The following DOP1B variants were observed in gnomAD, a reference collection of about 807,000 sequenced individuals.
The protein encoded by DOP1B is DOP1 leucine zipper like protein B.
In DOP1B, 174 loss-of-function variants were observed where a neutral mutation model predicts 233.5. That is an observed-to-expected ratio of 0.75 (90% CI 0.66 to 0.85). The LOEUF is 0.85. Among genes scored for constraint, DOP1B ranks in the 40% least tolerant of loss-of-function variants. The pLI is 0.00. For missense variants in DOP1B, 2,652 were observed against 2,846.6 expected (o/e 0.93, Z 1.56); for synonymous variants, 1,190 against 1,185.6 (o/e 1.00, Z -0.08).
chr21:36,176,103 T>TATGTGTGTGTGTGCGTGC (rs1029236168), intron 2 of DOP1B, among the ~76,000 whole-genome samples: 11 of 142,038 alleles, frequency 7.7e-5, no homozygotes, highest in Admixed American at 2.1e-4. Context: ...TGTGCGTGTG[T>TATGTGTGTGTGTGCGTGC]GTGTGTGTGT....
chr21:36,241,693 C>CTTTTTTTTTT (rs58454212), intron 18 of DOP1B, among the ~76,000 whole-genome samples: 21 of 105,552 alleles, frequency 2.0e-4, no homozygotes, highest in African/African-American at 4.4e-4. Flanking sequence ...TTCTTTCTTT[C>CTTTTTTTTTT]TTTTTTTTTT....
chr21:36,211,833 C>A, intron 6 of DOP1B, 141 bp from the exon 7 acceptor site: 1 of 1,367,316 alleles, frequency 7.3e-7, no homozygotes, highest in South Asian at 1.3e-5. Context: ...TATTGAATAG[C>A]TTCTTTCCAT....
intron 4 of DOP1B, among the ~76,000 whole-genome samples, chr21:36,201,110 C>A (rs2066360126): frequency 6.6e-6 from 1 of 152,106 alleles, no homozygotes; most frequent in Admixed American, 6.6e-5. Context: ...CACAGAGTCA[C>A]CATGTGTGGA....
chr21:36,157,127 C>T (rs1486939268), intron 1 of DOP1B, among the ~76,000 whole-genome samples, 184 bp downstream of exon 1: 1 of 152,086 alleles, frequency 6.6e-6, no homozygotes, highest in Non-Finnish European at 1.5e-5. Context: ...CTGCGGCGCG[C>T]TCTGCTGCAG....
At chr21:36,206,748 T>A (rs537973709) in intron 4 of DOP1B, among the ~76,000 whole-genome samples, 4 of 152,202 alleles carry the variant, frequency 2.6e-5, no homozygotes, top group Non-Finnish European at 5.9e-5. Context: ...TTATAGTGTT[T>A]GTGATGATTT....
rs938323033 is a variant in DOP1B, at chr21:36,246,419, A to C, written c.4439A>C (p.Gln1480Pro). Residue 1480 changes from glutamine to proline, a missense_variant, in exon 19 of 37, where the codon CAG (glutamine) becomes CCG (proline). Gln to Pro is a moderately conservative substitution (Grantham distance 76). Around this residue, in one of 3 missense-constraint regions of DOP1B, gnomAD observed 2,617 missense variants for 2,794.3 expected, o/e 0.94. Transcript: ENST00000691173. This position sits in a 1 kb window ranked among gnomAD's most constrained non-coding sequence, Gnocchi z 5.1. ...REWQRALNFQQAISALQYVQP... is the reference protein window; with the variant it reads ...REWQRALNFQPAISALQYVQP... ...TGGCAGAGAGCCCTGAACTTCCAGC[A>C]GGCCATCAGCGCCCTGCAGTACGTG... is the stretch of plus-strand genomic sequence containing the variant. 3 of 1,613,548 alleles carry C rather than the reference A, an allele frequency of 1.9e-6. No individual in the cohort carries two copies. The East Asian group carries it at 6.7e-5, about 36-fold the overall frequency.
chr21:36,169,112 C>G (rs1359912495), intron 2 of DOP1B: 4 of 876,448 alleles, frequency 4.6e-6, no homozygotes, highest in South Asian at 1.3e-5. Flanking sequence ...CAGAGCCCAT[C>G]GTCTGGTCTG....
In DOP1B at chr21:36,293,431, G is replaced by C; in HGVS notation, c.6757G>C (p.Ala2253Pro). ...LMPFFMTLNG[A>P]FKTQRQLPAD... is the part of the protein sequence containing the mutation. ...GCCATTCTTCATGACTCTAAATGGT[G>C]CATTTAAGACCCAGAGACAGCTGCC... The change falls in exon 37 of 37, where the codon GCA becomes CCA. Residue 2253 changes from alanine (A) to proline (P), a missense_variant. Ala to Pro is a conservative substitution (Grantham distance 27, BLOSUM62 -1). Transcript: ENST00000691173. 6.2e-7 allele frequency: 1 copy of C among 1,614,170 alleles called. No individual in the cohort carries two copies. The highest frequency in any genetic ancestry group is 8.5e-7 in the Non-Finnish European group (1 of 1,180,034).
At chr21:36,177,910 T>C (rs2845752) in intron 2 of DOP1B, among the ~76,000 whole-genome samples, 31,105 of 152,100 alleles carry the variant, frequency 0.2, 3,645 homozygotes, top group African/African-American at 0.32. Context: ...TAGACTAAAA[T>C]ATCCAGCAAT....
At chr21:36,231,393 A>C (rs2066763747) in intron 14 of DOP1B, among the ~76,000 whole-genome samples, 1 of 152,176 alleles carries the variant, frequency 6.6e-6, no homozygotes. Context: ...TGGATTTGGA[A>C]TTTTCAGATT....
At chr21:36,186,988 C>T (rs1212441978) in intron 2 of DOP1B, among the ~76,000 whole-genome samples, 2 of 152,056 alleles carry the variant, frequency 1.3e-5, no homozygotes, top group Non-Finnish European at 2.9e-5. Context: ...GACCGGCGGC[C>T]AGCAAAACAT....
At chr21:36,204,079 T>A (rs1382937462) in intron 4 of DOP1B, among the ~76,000 whole-genome samples, 1 of 152,124 alleles carries the variant, frequency 6.6e-6, no homozygotes, top group Non-Finnish European at 1.5e-5. Context: ...GTAGTAGTAA[T>A]TTTGCCTCTC....
At chr21:36,186,939 TCC>T (rs562370752) in intron 2 of DOP1B, among the ~76,000 whole-genome samples, 1 of 151,970 alleles carries the variant, frequency 6.6e-6, no homozygotes, top group South Asian at 2.1e-4. Flanking sequence ...CTGTCACAGT[TCC>T]CCTCCCATTG....
At chr21:36,264,044 T>C (rs975497480) in intron 26 of DOP1B, among the ~76,000 whole-genome samples, 3 of 152,186 alleles carry the variant, frequency 2.0e-5, no homozygotes, top group African/African-American at 7.2e-5. Flanking sequence ...CAATCGATTG[T>C]GGAATTGACA....
At position 36,284,269 on chromosome 21, in the gene DOP1B, T is replaced by C. The variant is rs558252549; in HGVS notation, c.6160+2658T>C. ...CCAACCACCTGTTCCTTCTTTCTTT[T>C]TTTTTTTTTTTTTTTTTTTGAGACG... is the stretch of plus-strand genomic sequence containing the variant. On this transcript the variant is annotated intron_variant, in intron 32 of 36. Transcript: ENST00000691173. Among the ~76,000 whole-genome samples the C allele has an allele frequency of 2.6e-4, 28 of 109,766 alleles. No individual in the cohort carries two copies. The East Asian group carries it at 4.2e-3, about 16-fold the overall frequency. 72.0% of individuals were successfully genotyped at this position (109,766 alleles called of 152,430 possible). A position where few individuals can be genotyped will look rare whatever the true frequency, so the allele number is the denominator to read the frequency against.
intron 22 of DOP1B, among the ~76,000 whole-genome samples, chr21:36,252,447 C>T (rs1302470727): frequency 1.6e-5 from 2 of 126,888 alleles, no homozygotes; most frequent in Non-Finnish European, 3.2e-5. Flanking sequence ...AACAGAGTGA[C>T]ACTTCATGTA....
At chr21:36,159,662 A>G (rs2065853090) in intron 1 of DOP1B, among the ~76,000 whole-genome samples, 1 of 152,222 alleles carries the variant, frequency 6.6e-6, no homozygotes, top group Non-Finnish European at 1.5e-5. Flanking sequence ...TGCTCCAGCT[A>G]CTGCTCTTAC....
chr21:36,270,599 A>G (rs1569063549), intron 27 of DOP1B, among the ~76,000 whole-genome samples: 1 of 147,214 alleles, frequency 6.8e-6, no homozygotes, highest in Non-Finnish European at 1.5e-5. Flanking sequence ...CAGTGACAAG[A>G]TGTTAGTCAA....
chr21:36,259,474 T>C (rs1025225478), intron 23 of DOP1B, among the ~76,000 whole-genome samples: 4 of 151,936 alleles, frequency 2.6e-5, no homozygotes, highest in Non-Finnish European at 5.9e-5. Context: ...GGTTTTGCCA[T>C]GTTGGCCACG....
Sources: gnomAD v4.1 joint callset for allele counts (sites outside exome capture counted in the v4.1 genomes callset) on GRCh38, gnomAD v4.1.1 for gene constraint, gnomAD v4.1.1 regional missense constraint, Gnocchi (gnomAD v3.1) non-coding constraint, MANE v1.5 for transcripts, NCBI Gene and HGNC (gene_info 2026-07-23, HGNC 2026-07-21) for gene names.